Variants in AKAP13 observed in about 807,000 individuals in gnomAD.
AKAP13 encodes A-kinase anchoring protein 13.
A neutral mutation model predicts 264.5 loss-of-function variants in AKAP13; 80 were observed. The observed-to-expected ratio is 0.30, with a 90% CI of 0.25 to 0.36. The LOEUF (loss-of-function observed/expected upper bound fraction) is 0.36, where lower values mean the gene tolerates loss of function less well. AKAP13 is among the 10% of genes least tolerant of loss of function. The pLI is 1.00. For synonymous variants in AKAP13, 1,380 were observed against 1,250.2 expected, an observed-to-expected ratio of 1.10 and a Z score of -2.19; for missense variants, 3,712 against 3,435.2, an observed-to-expected ratio of 1.08 and a Z score of -2.01.
At chr15:85,640,614 T>C (rs1417976832) in intron 9 of AKAP13, among the ~76,000 whole-genome samples, 1 of 152,200 alleles carries the variant, frequency 6.6e-6, no homozygotes, top group Non-Finnish European at 1.5e-5. Context: ...TTTTACAAGA[T>C]TGGCCCTGTT....
intron 3 of AKAP13, among the ~76,000 whole-genome samples, chr15:85,528,227 C>T (rs1477137914): frequency 6.6e-6 from 1 of 152,172 alleles, no homozygotes; most frequent in African/African-American, 2.4e-5. Context: ...CCTGACCTGC[C>T]AGCATAAAAA....
chr15:85,428,588 T>C (rs901626972), intron 1 of AKAP13, among the ~76,000 whole-genome samples: 1 of 152,248 alleles, frequency 6.6e-6, no homozygotes, highest in Non-Finnish European at 1.5e-5. Context: ...ATTTTCTCCT[T>C]GTTTTTCAAA....
intron 16 of AKAP13, 68 bp downstream of exon 16, chr15:85,684,941 C>A: frequency 6.6e-7 from 1 of 1,513,498 alleles, no homozygotes; most frequent in Non-Finnish European, 8.9e-7. Context: ...GCATTCACAC[C>A]AAAACTGGTT....
At chr15:85,582,382 A>T (rs2079162717) in intron 7 of AKAP13, among the ~76,000 whole-genome samples, 1 of 152,160 alleles carries the variant, frequency 6.6e-6, no homozygotes, top group African/African-American at 2.4e-5. Context: ...GCAAACCTAG[A>T]AAACAATGCC....
chr15:85,679,299 C>A (rs1025858395), intron 14 of AKAP13, among the ~76,000 whole-genome samples: 1 of 151,912 alleles, frequency 6.6e-6, no homozygotes, highest in Non-Finnish European at 1.5e-5. Flanking sequence ...GATCCTATAA[C>A]AGCACTGGTC....
chr15:85,560,602 T>C (rs972811135), intron 5 of AKAP13, among the ~76,000 whole-genome samples: 11 of 152,224 alleles, frequency 7.2e-5, no homozygotes, highest in African/African-American at 2.2e-4. Context: ...TCTGATAGTT[T>C]CACTTTGTCA....
intron 1 of AKAP13, among the ~76,000 whole-genome samples, chr15:85,414,136 A>G (rs2072119897): frequency 6.6e-6 from 1 of 152,170 alleles, no homozygotes; most frequent in Non-Finnish European, 1.5e-5. Context: ...CGATGTTCAT[A>G]CTGTCTCTTG....
At chr15:85,490,808 A>G (rs996089448) in intron 2 of AKAP13, among the ~76,000 whole-genome samples, 2 of 152,162 alleles carry the variant, frequency 1.3e-5, no homozygotes, top group African/African-American at 4.8e-5. Flanking sequence ...CTTGCATTGT[A>G]GTGAGAAGAA....
intron 1 of AKAP13, among the ~76,000 whole-genome samples, chr15:85,397,523 T>A (rs558943098): frequency 1.3e-5 from 2 of 152,230 alleles, no homozygotes; most frequent in Non-Finnish European, 2.9e-5. Context: ...TCAGCCTTGA[T>A]GCATGTTGAA....
At chr15:85,437,550 A>G (rs1398279583) in intron 1 of AKAP13, among the ~76,000 whole-genome samples, 1 of 151,866 alleles carries the variant, frequency 6.6e-6, no homozygotes, top group Non-Finnish European at 1.5e-5. Flanking sequence ...TCCTTGATGA[A>G]CATTGATGCA....
At chr15:85,429,513 T>C (rs1263799797) in intron 1 of AKAP13, among the ~76,000 whole-genome samples, 1 of 152,206 alleles carries the variant, frequency 6.6e-6, no homozygotes, top group Non-Finnish European at 1.5e-5. Context: ...CCTAGGTGCC[T>C]AAGAAAATAG....
At chr15:85,723,954 G>A (rs2087453021) in intron 26 of AKAP13, among the ~76,000 whole-genome samples, 1 of 152,130 alleles carries the variant, frequency 6.6e-6, no homozygotes, top group African/African-American at 2.4e-5. Context: ...AAGAAGCTAT[G>A]AGGCTTGTTT....
intron 34 of AKAP13, among the ~76,000 whole-genome samples, chr15:85,740,784 C>CA (rs2088915132): frequency 7.7e-6 from 1 of 129,884 alleles, no homozygotes; most frequent in Admixed American, 7.6e-5. Flanking sequence ...CACCCCCCCC[C>CA]CCACCCCAGG....
In AKAP13 at chr15:85,579,424, G is replaced by T. The variant is rs1341208234; in HGVS notation, c.1356G>T (p.Met452Ile). The change falls in exon 7 of 37, where the codon ATG becomes ATT. Residue 452 changes from methionine to isoleucine, a missense_variant. Met to Ile is a conservative substitution (Grantham distance 10, BLOSUM62 1). This residue lies in a region of AKAP13 where 2,759 missense variants were observed against 2,411.7 expected (regional missense o/e 1.14). Transcript: ENST00000394518. ...GDAVLQRDLV[M>I]EPGTAQYSSG... Reference sequence around the variant, plus strand: ...CTGTGCTTCAGAGAGACTTGGTCATGGAGCCAGGCACAGCCCAGTATTCCT... The same window carrying T: ...CTGTGCTTCAGAGAGACTTGGTCATTGAGCCAGGCACAGCCCAGTATTCCT... 1.2e-6 allele frequency: 2 copies of T among 1,614,050 alleles called. No homozygotes were observed. The highest frequency in any genetic ancestry group is 3.3e-5 in the Admixed American group (2 of 60,026).
intron 30 of AKAP13, among the ~76,000 whole-genome samples, chr15:85,730,933 C>G (rs2087958744): frequency 1.3e-5 from 2 of 151,908 alleles, no homozygotes; most frequent in African/African-American, 4.8e-5. Context: ...GCTCTGTCCC[C>G]ATCACACCTC....
intron 1 of AKAP13, among the ~76,000 whole-genome samples, chr15:85,436,044 C>G (rs2073271473): frequency 6.9e-6 from 1 of 144,370 alleles, no homozygotes; most frequent in East Asian, 2.0e-4. Flanking sequence ...GAGTCAAGAC[C>G]CATCAGTGTG....
In AKAP13 at chr15:85,741,232, C is replaced by G. The variant is rs771986952; in HGVS notation, c.7795C>G (p.Arg2599Gly). 1 of 1,609,052 alleles carries G rather than the reference C, an allele frequency of 6.2e-7. No homozygotes were observed. The highest frequency in any genetic ancestry group is 1.3e-5 in the African/African-American group (1 of 74,948). ...GCAGGCCCAGTACCTCGAGGAGAAG[C>G]GCAGGCGCGAGCGTGAGTGGGAAGC... is the stretch of plus-strand genomic sequence containing the variant. Reference protein sequence around the residue: ...KQQAQYLEEKRRREREWEARE... With the variant: ...KQQAQYLEEKGRREREWEARE... The change falls in exon 35 of 37, where the codon CGC becomes GGC. Residue 2599 changes from arginine to glycine, a missense_variant. Around this residue, in one of 3 missense-constraint regions of AKAP13, gnomAD observed 611 missense variants for 539.3 expected, o/e 1.13. Transcript: ENST00000394518.
chr15:85,499,295 CATG>C (rs774223822), intron 2 of AKAP13, among the ~76,000 whole-genome samples: 28 of 152,030 alleles, frequency 1.8e-4, no homozygotes, highest in Non-Finnish European at 7.4e-5. Context: ...ACATTTTTTT[CATG>C]ATATTTTTAT....
At chr15:85,736,762 G>A (rs2088550516) in intron 33 of AKAP13, among the ~76,000 whole-genome samples, 1 of 152,040 alleles carries the variant, frequency 6.6e-6, no homozygotes, top group African/African-American at 2.4e-5. Flanking sequence ...GTTTCCTTTG[G>A]TCTAAGCACA....
Sources: allele counts gnomAD v4.1 joint callset (sites outside exome capture counted in the v4.1 genomes callset), GRCh38; gene constraint gnomAD v4.1.1; regional missense constraint gnomAD v4.1.1; transcripts MANE v1.5; gene names NCBI Gene and HGNC (gene_info 2026-07-23, HGNC 2026-07-21).